SMARCAD1: variants seen among roughly 807,000 people sequenced by gnomAD.
SMARCAD1 encodes SWI/SNF-related matrix-associated actin-dependent regulator of chromatin subfamily A containing DEAD/H box 1.
SMARCAD1 carries 25 observed loss-of-function variants against 127.1 expected under a neutral mutation model. The ratio of observed to expected loss-of-function variants is 0.20; its 90% CI spans 0.14 to 0.27. SMARCAD1 has a LOEUF of 0.27. Among genes scored for constraint, SMARCAD1 ranks in the 10% least tolerant of loss-of-function variants. The probability of loss-of-function intolerance (pLI) is 1.00; values close to 1 mark genes in which losing one functional copy is unlikely to be tolerated. For synonymous variants in SMARCAD1, 400 were observed against 396.9 expected, an observed-to-expected ratio of 1.01 and a Z score of -0.09; for missense variants, 807 against 1,206.0, an observed-to-expected ratio of 0.67 and a Z score of 4.90.
chr4:94,253,723 G>A, intron 9 of SMARCAD1: 2 of 980,950 alleles, frequency 2.0e-6, no homozygotes, highest in Non-Finnish European at 2.4e-6. Context: ...CTATAAACAG[G>A]TTGTATACAG....
chr4:94,240,291 T>C (rs948434110), intron 5 of SMARCAD1, among the ~76,000 whole-genome samples: 4 of 152,234 alleles, frequency 2.6e-5, no homozygotes, highest in Non-Finnish European at 5.9e-5. Flanking sequence ...TCTAGTTTGT[T>C]TTCTTCCAGT....
chr4:94,285,109 A>G, intron 23 of SMARCAD1, 40 bp downstream of exon 23: 1 of 969,022 alleles, frequency 1.0e-6, no homozygotes, highest in South Asian at 1.6e-5. Flanking sequence ...ATTTATCTAT[A>G]TGACCATGCA....
chr4:94,282,224 G>A (rs1350794266), intron 21 of SMARCAD1, among the ~76,000 whole-genome samples: 1 of 93,178 alleles, frequency 1.1e-5, no homozygotes, highest in East Asian at 4.9e-4. Flanking sequence ...AGCCTCCCGA[G>A]TAGCTGGGAC....
intron 10 of SMARCAD1, chr4:94,270,502 C>G (rs1383413956): frequency 4.4e-6 from 2 of 455,520 alleles, no homozygotes; most frequent in Non-Finnish European, 8.1e-6. Context: ...TATGGAAATG[C>G]TTGATTCTTA....
chr4:94,255,639 A>G (rs1749958174), intron 9 of SMARCAD1, among the ~76,000 whole-genome samples: 1 of 151,978 alleles, frequency 6.6e-6, no homozygotes, highest in South Asian at 2.1e-4. Context: ...TTTAGAGGTT[A>G]CTACCTTTCT....
At chr4:94,285,613 C>T (rs987041534) in intron 23 of SMARCAD1, among the ~76,000 whole-genome samples, 70 of 152,072 alleles carry the variant, frequency 4.6e-4, no homozygotes, top group Non-Finnish European at 1.2e-4. Flanking sequence ...ACTGTTATGT[C>T]TGTGTTATAT....
chr4:94,226,402 CT>C (rs34491534), intron 3 of SMARCAD1, 106 bp downstream of exon 3: 5,436 of 456,648 alleles, frequency 0.012, no homozygotes, highest in South Asian at 0.019. Context: ...TTTTTTTTTT[CT>C]TTTTTTTTTT....
chr4:94,249,572 G>C, intron 6 of SMARCAD1, 82 bp from the exon 7 acceptor site: 1 of 794,322 alleles, frequency 1.3e-6, no homozygotes, highest in Non-Finnish European at 2.2e-6. Context: ...TTCAGATCAA[G>C]TCAAAATACA....
chr4:94,247,504 T>A (rs945767894), intron 6 of SMARCAD1, among the ~76,000 whole-genome samples: 1 of 152,224 alleles, frequency 6.6e-6, no homozygotes. Context: ...GTTTTCCAGA[T>A]ATTTTATGTA....
At chr4:94,258,203 G>A (rs1170923850) in intron 9 of SMARCAD1, among the ~76,000 whole-genome samples, 4 of 150,970 alleles carry the variant, frequency 2.6e-5, no homozygotes, top group African/African-American at 9.8e-5. Flanking sequence ...CACCCAGGCT[G>A]GAGTGCAGTG....
intron 4 of SMARCAD1, among the ~76,000 whole-genome samples, chr4:94,235,010 A>G (rs1040709115): frequency 5.9e-5 from 9 of 152,126 alleles, no homozygotes; most frequent in Non-Finnish European, 1.0e-4. Context: ...GGATACTCAG[A>G]TTTTTCAAAT....
intron 6 of SMARCAD1, among the ~76,000 whole-genome samples, chr4:94,247,701 C>T (rs571109606): frequency 1.3e-5 from 2 of 152,312 alleles, no homozygotes; most frequent in South Asian, 4.1e-4. Context: ...CTCCCCCTAA[C>T]CCCTGGCAAC....
At chr4:94,230,715 C>T (rs1436233559) in intron 3 of SMARCAD1, among the ~76,000 whole-genome samples, 1 of 152,086 alleles carries the variant, frequency 6.6e-6, no homozygotes, top group Admixed American at 6.6e-5. Flanking sequence ...TGAGAACCCA[C>T]TGATGTGTAT....
intron 2 of SMARCAD1, among the ~76,000 whole-genome samples, chr4:94,213,836 A>G (rs1419051551): frequency 6.6e-6 from 1 of 152,200 alleles, no homozygotes; most frequent in Non-Finnish European, 1.5e-5. Context: ...TTTTAGTACC[A>G]AGGTAGTAGA....
rs554641357 is a variant in SMARCAD1 at position 94,256,630 on chromosome 4, C to T, written c.1281+3623C>T. On this transcript the variant is annotated intron_variant, in intron 9 of 23. Transcript: ENST00000354268. ...CACCTGTTGCGGCCTCTCCAAGTGCCGGGGTTACAGGCGTGAGCCACTGCA... is the reference window on the plus strand; with the variant it reads ...CACCTGTTGCGGCCTCTCCAAGTGCTGGGGTTACAGGCGTGAGCCACTGCA... Among the ~76,000 whole-genome samples the T allele has an allele frequency of 1.0e-3, 159 of 152,218 alleles. 1 individual carries two copies. The highest frequency in any genetic ancestry group is 3.3e-3 in the Admixed American group (50 of 15,280).
intron 2 of SMARCAD1, among the ~76,000 whole-genome samples, chr4:94,216,419 C>G (rs114798846): frequency 0.013 from 1,909 of 152,244 alleles, 42 homozygotes; most frequent in African/African-American, 0.044. Context: ...TATACTCATT[C>G]ATATTTTCCT....
intron 2 of SMARCAD1, chr4:94,213,130 T>G (rs570621255): frequency 2.1e-4 from 274 of 1,283,066 alleles, no homozygotes; most frequent in Non-Finnish European, 2.7e-4. Flanking sequence ...AGCCTGATCC[T>G]CCAAGAGCAC....
intron 3 of SMARCAD1, among the ~76,000 whole-genome samples, chr4:94,229,352 C>T (rs1579075690): frequency 6.6e-6 from 1 of 152,074 alleles, no homozygotes; most frequent in African/African-American, 2.4e-5. Context: ...CCTTTTTCTC[C>T]CCATTTGTGC....
intron 21 of SMARCAD1, among the ~76,000 whole-genome samples, chr4:94,282,110 T>TTTG (rs1553921689): frequency 1.0e-5 from 1 of 100,312 alleles, no homozygotes; most frequent in African/African-American, 3.4e-5. Flanking sequence ...GTTTTTTTTT[T>TTTG]TTTTTTTGAG....
Sources: allele counts gnomAD v4.1 joint callset (sites outside exome capture counted in the v4.1 genomes callset), GRCh38; gene constraint gnomAD v4.1.1; transcripts MANE v1.5; gene names NCBI Gene and HGNC (gene_info 2026-07-23, HGNC 2026-07-21).